The following ZNF804B variants were observed in gnomAD, a reference collection of about 807,000 sequenced individuals.
The protein encoded by ZNF804B is zinc finger protein 804B.
In ZNF804B, 80 loss-of-function variants were observed where a neutral mutation model predicts 101.4. That is an observed-to-expected ratio of 0.79 (90% CI 0.66 to 0.95). The LOEUF is 0.95. ZNF804B is among the 40% of genes least tolerant of loss of function. The pLI is 0.00. For missense variants in ZNF804B, 1,673 were observed against 1,561.9 expected, an observed-to-expected ratio of 1.07 and a Z score of -1.20; for synonymous variants, 622 against 558.8, an observed-to-expected ratio of 1.11 and a Z score of -1.59.
rs142556099 is a variant in ZNF804B at position 89,183,117 on chromosome 7, A to C, written c.109-35038A>C. Among the ~76,000 whole-genome samples the C allele has an allele frequency of 3.7e-3, 569 of 152,304 alleles. 2 individuals carry two copies. Among genetic ancestry groups the C allele is most frequent in the Middle Eastern group, 0.01 (3 of 294 alleles). Reference sequence around the variant, plus strand: ...TAAGTTGAGCCTTTCATGTTGGCTAAAATATAAACATGTGGCAATAGGAGG... The same window carrying C: ...TAAGTTGAGCCTTTCATGTTGGCTACAATATAAACATGTGGCAATAGGAGG... On this transcript the variant is annotated intron_variant, in intron 1 of 3. Transcript: ENST00000333190.
chr7:89,156,222 T>C (rs2040681), intron 1 of ZNF804B, among the ~76,000 whole-genome samples: 30,385 of 151,368 alleles, frequency 0.2, 3,276 homozygotes, highest in Non-Finnish European at 0.22. Flanking sequence ...CAAGCAATTC[T>C]CCTGCCTCAG....
intron 1 of ZNF804B, among the ~76,000 whole-genome samples, chr7:89,083,735 T>C (rs1171342800): frequency 1.3e-5 from 2 of 151,876 alleles, no homozygotes; most frequent in Non-Finnish European, 2.9e-5. Flanking sequence ...TTTGAAGATT[T>C]TTTTTTCAGA....
intron 1 of ZNF804B, among the ~76,000 whole-genome samples, chr7:88,821,350 T>C (rs976817084): frequency 6.6e-6 from 1 of 152,246 alleles, no homozygotes; most frequent in African/African-American, 2.4e-5. Context: ...ACCAGATAGA[T>C]ATGATGAATC....
intron 2 of ZNF804B, among the ~76,000 whole-genome samples, chr7:89,278,176 TG>T (rs1379693475): frequency 6.6e-6 from 1 of 152,146 alleles, no homozygotes; most frequent in Non-Finnish European, 1.5e-5. Context: ...TCATATCCTT[TG>T]CCCACTTTTT....
chr7:89,250,189 TA>T (rs199943175), intron 2 of ZNF804B, among the ~76,000 whole-genome samples: 4 of 149,846 alleles, frequency 2.7e-5, no homozygotes, highest in Admixed American at 6.7e-5. Flanking sequence ...TTTGTTTCAT[TA>T]AAAAAAAATA....
chr7:89,081,761 T>A (rs1278115870), intron 1 of ZNF804B, among the ~76,000 whole-genome samples: 6 of 151,764 alleles, frequency 4.0e-5, no homozygotes, highest in African/African-American at 1.4e-4. Flanking sequence ...ATTGACCAAA[T>A]TGTTCATCTT....
At chr7:89,209,677 C>T (rs757600277) in intron 1 of ZNF804B, among the ~76,000 whole-genome samples, 6 of 152,154 alleles carry the variant, frequency 3.9e-5, no homozygotes, top group South Asian at 2.1e-4. Context: ...TCTAATTCTC[C>T]GTGATATGAA....
intron 1 of ZNF804B, among the ~76,000 whole-genome samples, chr7:88,824,319 T>C (rs1204809720): frequency 6.6e-6 from 1 of 152,132 alleles, no homozygotes; most frequent in African/African-American, 2.4e-5. Context: ...CTTGTGTTCT[T>C]GTGTTGTTGA....
chr7:89,280,420 G>A (rs900113788), intron 2 of ZNF804B, among the ~76,000 whole-genome samples: 8 of 151,962 alleles, frequency 5.3e-5, no homozygotes, highest in Admixed American at 5.2e-4. Flanking sequence ...GAGCAGAACT[G>A]AAGGAAATAG....
At chr7:88,926,859 A>C (rs1207471993) in intron 1 of ZNF804B, among the ~76,000 whole-genome samples, 2 of 146,156 alleles carry the variant, frequency 1.4e-5, no homozygotes, top group Non-Finnish European at 3.0e-5. Context: ...AATTGTGTAG[A>C]CTTTTTATTT....
chr7:89,068,712 A>G (rs1383698239), intron 1 of ZNF804B, among the ~76,000 whole-genome samples: 1 of 152,224 alleles, frequency 6.6e-6, no homozygotes. Context: ...TTATAAATCT[A>G]CATTGTGAAC....
At chr7:89,230,622 C>T (rs1789178050) in intron 2 of ZNF804B, among the ~76,000 whole-genome samples, 1 of 152,026 alleles carries the variant, frequency 6.6e-6, no homozygotes, top group African/African-American at 2.4e-5. Context: ...AATAGACATG[C>T]ACTAATATAG....
In ZNF804B at chr7:89,176,587, C is replaced by CTTTTTTTTTTTTTTTTTTTTTT. The variant is rs142696289; in HGVS notation, c.109-41565_109-41564insTTTTTTTTTTTTTTTTTTTTTT. Reference sequence around the variant, plus strand: ...TTTTCTTTTTTTTCTTTCTTTCTTTCTTTCTTTTTTTTTTTTTTTTTCATG... The same window carrying CTTTTTTTTTTTTTTTTTTTTTT: ...TTTTCTTTTTTTTCTTTCTTTCTTTCTTTTTTTTTTTTTTTTTTTTTTTTTCTTTTTTTTTTTTTTTTTCATG... On this transcript the variant is annotated intron_variant, in intron 1 of 3. Transcript: ENST00000333190. Among the ~76,000 whole-genome samples, 48 of 53,982 alleles carry CTTTTTTTTTTTTTTTTTTTTTT rather than the reference C, an allele frequency of 8.9e-4. 2 individuals are homozygous for CTTTTTTTTTTTTTTTTTTTTTT. Among genetic ancestry groups the CTTTTTTTTTTTTTTTTTTTTTT allele is most frequent in the African/African-American group, 1.7e-3 (22 of 12,958 alleles). 35.4% of individuals were successfully genotyped at this position (53,982 alleles called of 152,430 possible). A position where few individuals can be genotyped will look rare whatever the true frequency, so the allele number is the denominator to read the frequency against.
Position 89,334,123 on chromosome 7 carries a change from T to C in ZNF804B, c.1141T>C (p.Ser381Pro). 1 of 1,613,708 alleles carries C rather than the reference T, an allele frequency of 6.2e-7. No individual in the cohort carries two copies. Among genetic ancestry groups the C allele is most frequent in the Non-Finnish European group, 8.5e-7 (1 of 1,179,824 alleles). ...TTACAACCATAGTGATGCCAGGATA[T>C]CTGAATGCCTGGATGAGTTTTCATC... ...NIYNHSDARI[S>P]ECLDEFSSLE... The change falls in exon 4 of 4, where the codon TCT becomes CCT. Residue 381 changes from serine to proline, a missense_variant. Coordinates refer to ENST00000333190, the MANE Select transcript of ZNF804B (RefSeq NM_181646.5).
At chr7:89,076,444 G>A (rs1309022408) in intron 1 of ZNF804B, among the ~76,000 whole-genome samples, 2 of 152,068 alleles carry the variant, frequency 1.3e-5, no homozygotes, top group Non-Finnish European at 1.5e-5. Flanking sequence ...CTTGCCTTCT[G>A]CCATGATTCT....
intron 1 of ZNF804B, among the ~76,000 whole-genome samples, chr7:88,775,692 A>G (rs1790131307): frequency 6.6e-6 from 1 of 152,174 alleles, no homozygotes; most frequent in Non-Finnish European, 1.5e-5. Context: ...TATAAAGTTA[A>G]TTTTCAGTTC....
intron 1 of ZNF804B, among the ~76,000 whole-genome samples, chr7:88,896,687 ATACT>A (rs1425423188): frequency 6.6e-6 from 1 of 152,200 alleles, no homozygotes; most frequent in African/African-American, 2.4e-5. Flanking sequence ...CTGGGAGGTA[ATACT>A]TAATCATTTG....
intron 1 of ZNF804B, among the ~76,000 whole-genome samples, chr7:88,768,964 A>G (rs370024502): frequency 2.0e-5 from 3 of 152,176 alleles, no homozygotes; most frequent in South Asian, 2.1e-4. Flanking sequence ...ACAGTGGGAA[A>G]CAATGGTTCC....
intron 2 of ZNF804B, among the ~76,000 whole-genome samples, chr7:89,251,395 A>C (rs1399337172): frequency 6.6e-6 from 1 of 152,172 alleles, no homozygotes; most frequent in Non-Finnish European, 1.5e-5. Context: ...CATCTAACCA[A>C]GGAAGTGAAA....
Sources: allele counts gnomAD v4.1 joint callset (sites outside exome capture counted in the v4.1 genomes callset), GRCh38; gene constraint gnomAD v4.1.1; transcripts MANE v1.5; gene names NCBI Gene and HGNC (gene_info 2026-07-23, HGNC 2026-07-21).